OGG1: variants seen among roughly 807,000 people sequenced by gnomAD.
OGG1 encodes N-glycosylase/DNA lyase.
Under a neutral mutation model 42.3 loss-of-function variants are expected in OGG1, and 35 were observed. The observed-to-expected ratio is 0.83, with a 90% confidence interval of 0.63 to 1.10. The LOEUF is 1.10. Among genes scored for constraint, OGG1 ranks in the 50% least tolerant of loss-of-function variants. The probability of loss-of-function intolerance (pLI) is 0.00; values close to 1 mark genes in which losing one functional copy is unlikely to be tolerated. For missense variants in OGG1, 484 were observed against 446.7 expected (o/e 1.08, Z -0.75); for synonymous variants, 189 against 179.0 (o/e 1.06, Z -0.44).
At chr3:9,785,942 GTT>G (rs555853526) in intron 3 of OGG1, among the ~76,000 whole-genome samples, 1 of 144,066 alleles carries the variant, frequency 6.9e-6, no homozygotes. Flanking sequence ...GTTTTGTTTT[GTT>G]TTTTTTTTTT....
At chr3:9,768,304 C>T (rs987188373), downstream of OGG1, among the ~76,000 whole-genome samples, 14 of 152,238 alleles carry the variant, frequency 9.2e-5, no homozygotes, top group Admixed American at 6.5e-4. Flanking sequence ...ATAGCTCTTT[C>T]TGCACTGTTA....
chr3:9,779,780 G>A (rs2078418295), intron 2 of OGG1: 1 of 152,194 alleles, frequency 6.6e-6, no homozygotes, highest in Non-Finnish European at 1.5e-5. Flanking sequence ...TCCACTTTGA[G>A]CTGGGGGGGC....
chr3:9,781,674 G>T (rs1222774147), intron 3 of OGG1: 1 of 434,400 alleles, frequency 2.3e-6, no homozygotes. Flanking sequence ...GAGCTGGAAG[G>T]TCACTTAGTG....
chr3:9,758,019 T>TAC (rs148476977), downstream of OGG1: 16 of 946,952 alleles, frequency 1.7e-5, no homozygotes, highest in East Asian at 5.4e-5. Context: ...ATTATATATT[T>TAC]ACACACACAC....
At chr3:9,773,258 G>T (rs572339058) in intron 2 of OGG1, among the ~76,000 whole-genome samples, 1 of 151,568 alleles carries the variant, frequency 6.6e-6, no homozygotes, top group South Asian at 2.1e-4. Context: ...GGCTGGGTGC[G>T]GTGGCTAACG....
chr3:9,758,343 GT>G (rs957812320), downstream of OGG1: 3 of 154,780 alleles, frequency 1.9e-5, no homozygotes, highest in African/African-American at 4.8e-5. Flanking sequence ...CCCAAAACAT[GT>G]TTCTGTCCCT....
At chr3:9,781,199 G>A (rs1000111939) in intron 2 of OGG1, among the ~76,000 whole-genome samples, 12 of 151,860 alleles carry the variant, frequency 7.9e-5, no homozygotes, top group East Asian at 3.9e-4. Context: ...TAATCCCAGC[G>A]CTTTGGGAGA....
intron 7 of OGG1, chr3:9,762,774 T>G: frequency 1.3e-6 from 1 of 764,880 alleles, no homozygotes; most frequent in South Asian, 1.7e-5. Flanking sequence ...GGAGGCAGTT[T>G]AAAGGTTACA....
intron 7 of OGG1, chr3:9,763,313 G>A: frequency 6.8e-7 from 1 of 1,467,234 alleles, no homozygotes; most frequent in Non-Finnish European, 9.3e-7. Context: ...GGATCACTTG[G>A]CCCCAGCAGT....
At chr3:9,778,634 T>C (rs919344317) in intron 2 of OGG1, among the ~76,000 whole-genome samples, 1 of 152,132 alleles carries the variant, frequency 6.6e-6, no homozygotes, top group African/African-American at 2.4e-5. Context: ...TAGACTGAGT[T>C]TATAGTCTAT....
chr3:9,790,431 TCCA>T (rs2078702745), downstream of OGG1, among the ~76,000 whole-genome samples: 2 of 152,200 alleles, frequency 1.3e-5, no homozygotes, highest in African/African-American at 2.4e-5. Context: ...ACCTCCTTCC[TCCA>T]CAAGTCTCTG....
At chr3:9,787,706 G>C (rs915839175) in intron 3 of OGG1, 1 of 1,316,148 alleles carries the variant, frequency 7.6e-7, no homozygotes, top group African/African-American at 1.5e-5. Flanking sequence ...ATTTACTGCT[G>C]TCTGTATGAA....
intron 3 of OGG1, among the ~76,000 whole-genome samples, chr3:9,752,778 T>C (rs558842791): frequency 6.6e-6 from 1 of 152,268 alleles, no homozygotes; most frequent in Non-Finnish European, 1.5e-5. Flanking sequence ...TGGCCGGGCG[T>C]GGTGGCTCAC....
At chr3:9,762,722 C>T (rs1168368618) in intron 7 of OGG1, among the ~76,000 whole-genome samples, 1 of 151,980 alleles carries the variant, frequency 6.6e-6, no homozygotes, top group African/African-American at 2.4e-5. Context: ...AAATGCCACA[C>T]AATTCACTCG....
intron 3 of OGG1, among the ~76,000 whole-genome samples, chr3:9,781,881 C>T (rs1165186122): frequency 6.8e-6 from 1 of 146,004 alleles, no homozygotes; most frequent in African/African-American, 2.6e-5. Context: ...ACTCTGTCAC[C>T]CAGGCTGGAG....
At chr3:9,760,995 T>C (rs2077837431), downstream of OGG1, 1 of 550,010 alleles carries the variant, frequency 1.8e-6, no homozygotes, top group African/African-American at 1.9e-5. Context: ...TGCCATTGCT[T>C]CTGCCTATGC....
At chr3:9,770,179 C>G (rs538602966), downstream of OGG1, among the ~76,000 whole-genome samples, 1 of 152,292 alleles carries the variant, frequency 6.6e-6, no homozygotes, top group South Asian at 2.1e-4. Flanking sequence ...AACTGAGGCC[C>G]GGAGAGATGA....
chr3:9,787,193 G>GA, intron 3 of OGG1: 1 of 1,614,150 alleles, frequency 6.2e-7, no homozygotes, highest in Non-Finnish European at 8.5e-7. Context: ...GAGGTGAGAG[G>GA]CCTACCTTTA....
chr3:9,757,264 C>T lies in OGG1; in HGVS notation c.*114C>T. 1 of 1,614,148 alleles carries T rather than the reference C, an allele frequency of 6.2e-7. No homozygotes were observed. Among genetic ancestry groups the T allele is most frequent in the African/African-American group, 1.3e-5 (1 of 75,052 alleles). On this transcript the variant is annotated 3_prime_UTR_variant, in exon 7 of 7. Coordinates refer to ENST00000344629, the MANE Select transcript of OGG1 (RefSeq NM_002542.6). This position sits in a 1 kb window ranked among gnomAD's most constrained non-coding sequence, Gnocchi z 4.5. ...GGGAGGGGCCTCCCTGTGACTACCT[C>T]AAAGGCCAGGCACCCCCAAATCAAG...
Sources: gnomAD v4.1 joint callset for allele counts (sites outside exome capture counted in the v4.1 genomes callset) on GRCh38, gnomAD v4.1.1 for gene constraint, Gnocchi (gnomAD v3.1) non-coding constraint, MANE v1.5 for transcripts, NCBI Gene and HGNC (gene_info 2026-07-23, HGNC 2026-07-21) for gene names.